Variants in SLC26A4 observed in about 807,000 individuals in gnomAD.
The protein encoded by SLC26A4 is solute carrier family 26 member 4, also known as pendrin.
A neutral mutation model predicts 90.4 loss-of-function variants in SLC26A4; 93 were observed. The ratio of observed to expected loss-of-function variants is 1.03; its 90% CI spans 0.87 to 1.22. SLC26A4 has a LOEUF of 1.22. SLC26A4 is among the 50% of genes most tolerant of loss of function. The pLI, the probability that SLC26A4 is intolerant of heterozygous loss-of-function variation, is 0.00. For synonymous variants in SLC26A4, 393 were observed against 354.6 expected, an observed-to-expected ratio of 1.11 and a Z score of -1.22; for missense variants, 1,127 against 946.2, an observed-to-expected ratio of 1.19 and a Z score of -2.51.
At chr7:107,693,926 G>A (rs770123309) in intron 10 of SLC26A4, among the ~76,000 whole-genome samples, 1 of 152,180 alleles carries the variant, frequency 6.6e-6, no homozygotes. Flanking sequence ...CTACAAGTAC[G>A]AAGTGTTATC....
chr7:107,708,315 G>A (rs140708049), intron 18 of SLC26A4, among the ~76,000 whole-genome samples: 5 of 152,082 alleles, frequency 3.3e-5, no homozygotes, highest in Admixed American at 6.6e-5. Context: ...AATTGGCATT[G>A]TACCTTAGGA....
chr7:107,674,905 A>G (rs761942424), intron 5 of SLC26A4, 40 bp from the exon 6 acceptor site: 1 of 1,592,074 alleles, frequency 6.3e-7, no homozygotes, highest in Non-Finnish European at 8.6e-7. Context: ...TTTCTATCTC[A>G]GGCAAACATT....
At chr7:107,680,785 T>C (rs2129313713) in intron 6 of SLC26A4, among the ~76,000 whole-genome samples, 2 of 152,322 alleles carry the variant, frequency 1.3e-5, no homozygotes, top group South Asian at 4.1e-4. Context: ...GTAGTGATTA[T>C]TTTTGTAAGG....
At chr7:107,671,954 A>G (rs893080016) in intron 3 of SLC26A4, among the ~76,000 whole-genome samples, 184 bp from the exon 4 acceptor site, 1 of 152,234 alleles carries the variant, frequency 6.6e-6, no homozygotes, top group Non-Finnish European at 1.5e-5. Flanking sequence ...AGTTTACTGA[A>G]TAATGTACTG....
At chr7:107,666,113 A>C (rs899743994) in intron 3 of SLC26A4, among the ~76,000 whole-genome samples, 8 of 152,224 alleles carry the variant, frequency 5.3e-5, no homozygotes, top group African/African-American at 1.9e-4. Context: ...TTTGAGGGGT[A>C]GGGATGGGAA....
rs569600802 is a variant in SLC26A4 at position 107,665,621 on chromosome 7, G to A, written c.304+2186G>A. The stretch of plus-strand genomic sequence containing the variant: ...GAATCTTCTTTATATATAAAAAATG[G>A]TGGTTCATGCTCCATGTCTCCCCAG... On this transcript the variant is annotated intron_variant, in intron 3 of 20. Coordinates refer to ENST00000644269, the MANE Select transcript of SLC26A4 (RefSeq NM_000441.2). Among the ~76,000 whole-genome samples, 212 of 152,230 alleles carry A rather than the reference G, an allele frequency of 1.4e-3. 2 individuals carry two copies. The highest frequency in any genetic ancestry group is 6.8e-3 in the Middle Eastern group (2 of 294).
At chr7:107,701,743 G>A in intron 16 of SLC26A4, 84 bp from the exon 17 acceptor site, 2 of 914,084 alleles carry the variant, frequency 2.2e-6, no homozygotes, top group East Asian at 2.5e-5. Flanking sequence ...GGAACAGTGT[G>A]TAGGTCTTTT....
intron 19 of SLC26A4, 122 bp downstream of exon 19, chr7:107,710,321 A>G: frequency 2.7e-6 from 2 of 750,034 alleles, no homozygotes; most frequent in Non-Finnish European, 4.6e-6. Flanking sequence ...AACTTCATGG[A>G]GCCTCAGTTT....
Position 107,710,054 on chromosome 7 carries a change from A to G in SLC26A4, c.2090A>G (p.Asp697Gly). 1 of 1,612,898 alleles carries G rather than the reference A, an allele frequency of 6.2e-7. No homozygotes were observed. The highest frequency in any genetic ancestry group is 1.3e-5 in the African/African-American group (1 of 74,990). Reference sequence around the variant, plus strand: ...AAAACATTGTGTCTTTCTTTTGAAGATTATGTGATAGAAAAGCTGGAGCAA... The same window carrying G: ...AAAACATTGTGTCTTTCTTTTGAAGGTTATGTGATAGAAAAGCTGGAGCAA... ...DVNVYFASLQ[D>G]YVIEKLEQCG... Residue 697 changes from aspartate to glycine, a missense_variant and splice_region_variant, in exon 19 of 21, where the codon GAT (aspartate) becomes GGT (glycine). By Grantham distance (94) the Asp-to-Gly change is moderately conservative. Transcript: ENST00000644269.
intron 18 of SLC26A4, 91 bp downstream of exon 18, chr7:107,704,476 C>CTTT (rs546657902): frequency 3.8e-6 from 2 of 529,780 alleles, no homozygotes; most frequent in East Asian, 3.4e-5. Context: ...GTCTGAAGGC[C>CTTT]TTTTTTTTTT....
At chr7:107,680,085 CTTA>C (rs1395785186) in intron 6 of SLC26A4, among the ~76,000 whole-genome samples, 3 of 118,512 alleles carry the variant, frequency 2.5e-5, no homozygotes, top group South Asian at 2.5e-4. Flanking sequence ...ATATTCTTAT[CTTA>C]TTATATAATC....
At chr7:107,685,987 C>T (rs1286775593) in intron 8 of SLC26A4, among the ~76,000 whole-genome samples, 3 of 152,008 alleles carry the variant, frequency 2.0e-5, no homozygotes, top group Non-Finnish European at 4.4e-5. Flanking sequence ...CTTGCCAGTT[C>T]CAGAGGTCCC....
In SLC26A4 at chr7:107,702,026, T is replaced by C. The variant is rs727504303; in HGVS notation, c.2003T>C (p.Leu668Pro). 1.4e-5 allele frequency: 22 copies of C among 1,613,576 alleles called. No individual in the cohort carries two copies. The Admixed American group carries it at 2.7e-4, about 20-fold the overall frequency. Residue 668 changes from leucine to proline, a missense_variant, in exon 17 of 21, where the codon CTG (leucine) becomes CCG (proline). By Grantham distance (98) the Leu-to-Pro change is moderately conservative. Transcript: ENST00000644269. ...CTTGACTGTGGAGCTATATCTTTCC[T>C]GGACGTTGTTGGAGTGAGATCACTG... is the stretch of plus-strand genomic sequence containing the variant. ...LVLDCGAISF[L>P]DVVGVRSLRV... is the part of the protein sequence containing the mutation.
intron 20 of SLC26A4, among the ~76,000 whole-genome samples, chr7:107,713,528 T>C (rs1490303487): frequency 6.6e-6 from 1 of 152,214 alleles, no homozygotes; most frequent in Non-Finnish European, 1.5e-5. Flanking sequence ...TCTCTTCCAG[T>C]TGAGACTCTT....
In SLC26A4 at chr7:107,689,141, G is replaced by T; in HGVS notation, c.1090G>T (p.Ala364Ser). Residue 364 changes from alanine to serine, a missense_variant, in exon 9 of 21, where the codon GCA becomes TCA. Coordinates refer to ENST00000644269, the MANE Select transcript of SLC26A4 (RefSeq NM_000441.2). ...CATCGCTGTGGTGGCTTATGCTATT[G>T]CAGTGTCAGTAGGAAAAGTATATGC... ...FSIAVVAYAIAVSVGKVYATK... is the reference protein window; with the variant it reads ...FSIAVVAYAISVSVGKVYATK... The T allele has an allele frequency of 6.2e-7, 1 of 1,613,772 alleles. No individual in the cohort carries two copies. The highest frequency in any genetic ancestry group is 8.5e-7 in the Non-Finnish European group (1 of 1,179,746).
Position 107,690,153 on chromosome 7 carries a change from C to A in SLC26A4, c.1179C>A (p.Ile393=). ...QEFIAFGISN[I]FSGFFSCFVA... is the part of the protein sequence containing the mutation. ...TCATTGCCTTTGGGATCAGCAACAT[C>A]TTCTCAGGATTCTTCTCTTGTTTTG... The change falls in exon 10 of 21, where the codon ATC becomes ATA. Residue 393 remains isoleucine, a synonymous_variant. Transcript: ENST00000644269. 6.2e-7 allele frequency: 1 copy of A among 1,612,394 alleles called. No homozygotes were observed.
At chr7:107,680,390 T>C (rs1470875156) in intron 6 of SLC26A4, among the ~76,000 whole-genome samples, 1 of 143,602 alleles carries the variant, frequency 7.0e-6, no homozygotes, top group Non-Finnish European at 1.5e-5. Context: ...GTTATATTAT[T>C]ATATAATCTT....
intron 6 of SLC26A4, among the ~76,000 whole-genome samples, chr7:107,682,325 T>C (rs1173679841): frequency 1.3e-5 from 2 of 151,810 alleles, no homozygotes; most frequent in South Asian, 4.1e-4. Flanking sequence ...ACTTAAAGTA[T>C]AATTTAAAAA....
chr7:107,675,771 A>C (rs1250538735), intron 6 of SLC26A4, among the ~76,000 whole-genome samples: 3 of 151,812 alleles, frequency 2.0e-5, no homozygotes, highest in East Asian at 1.9e-4. Context: ...ACAGGGTTTC[A>C]CCATTTGGGC....
Sources: gnomAD v4.1 joint callset for allele counts (sites outside exome capture counted in the v4.1 genomes callset) on GRCh38, gnomAD v4.1.1 for gene constraint, MANE v1.5 for transcripts, NCBI Gene and HGNC (gene_info 2026-07-23, HGNC 2026-07-21) for gene names.